Variants in NEB observed in about 807,000 individuals in gnomAD.
NEB encodes nebulin.
A neutral mutation model predicts 952.2 loss-of-function variants in NEB; 512 were observed. That is an observed-to-expected ratio of 0.54 (90% CI 0.50 to 0.58). The LOEUF is 0.58. Ranked by LOEUF, NEB falls within the 20% of genes least tolerant of loss-of-function variation. The pLI is 0.00. For missense variants in NEB, 8,428 were observed against 9,231.1 expected (o/e 0.91, Z 3.56); for synonymous variants, 2,900 against 3,149.8 (o/e 0.92, Z 2.66).
intron 13 of NEB, among the ~76,000 whole-genome samples, chr2:151,705,841 T>C (rs1211190046): frequency 6.6e-6 from 1 of 152,218 alleles, no homozygotes; most frequent in East Asian, 1.9e-4. Flanking sequence ...AAATATCATA[T>C]GCTCTCACTT....
chr2:151,501,459 T>C lies in NEB; in HGVS notation c.23953A>G (p.Lys7985Glu), dbSNP rs1330353469. The C allele has an allele frequency of 1.3e-6, 2 of 1,532,132 alleles. No individual in the cohort carries two copies. The highest frequency in any genetic ancestry group is 4.9e-5 in the East Asian group (2 of 40,762). 94.9% of individuals were successfully genotyped at this position (1,532,132 alleles called of 1,614,324 possible). ...SSILYKENLSKGTPLPVTPEM... is the reference protein window; with the variant it reads ...SSILYKENLSEGTPLPVTPEM... ...GGAGTGACAGGTAGGGGAGTCCCCT[T>C]GCTCAAGTTCTCTTTGTACAATATC... is the stretch of plus-strand genomic sequence containing the variant. Residue 7985 changes from lysine to glutamate, a missense_variant, in exon 168 of 182, where the codon AAG (lysine) becomes GAG (glutamate). By Grantham distance (56) the Lys-to-Glu change is moderately conservative. Coordinates refer to ENST00000397345, the MANE Select transcript of NEB (RefSeq NM_001164508.2).
At chr2:151,612,122 C>A in intron 78 of NEB, 64 bp downstream of exon 78, 1 of 1,538,066 alleles carries the variant, frequency 6.5e-7, no homozygotes, top group South Asian at 1.1e-5. Flanking sequence ...AGGGAATTTC[C>A]TACTTTATGA....
At chr2:151,574,047 T>C (rs1017586267) in intron 107 of NEB, among the ~76,000 whole-genome samples, 13 of 152,274 alleles carry the variant, frequency 8.5e-5, no homozygotes, top group South Asian at 4.1e-4. Context: ...GATCTCGGCT[T>C]ACTGCTAGCT....
At chr2:151,530,842 C>T in intron 145 of NEB, 152 bp downstream of exon 145, 1 of 585,634 alleles carries the variant, frequency 1.7e-6, no homozygotes, top group South Asian at 2.4e-5. Flanking sequence ...AGTCAACTTA[C>T]CGAATCATGA....
intron 68 of NEB, among the ~76,000 whole-genome samples, chr2:151,629,315 A>G (rs1366505387): frequency 6.6e-6 from 1 of 152,224 alleles, no homozygotes. Context: ...ACTGCATTGA[A>G]GTATACTGGT....
chr2:151,653,290 A>G (rs552040955), intron 52 of NEB, among the ~76,000 whole-genome samples: 1 of 152,226 alleles, frequency 6.6e-6, no homozygotes, highest in South Asian at 2.1e-4. Flanking sequence ...AGCAATATGC[A>G]GAATATCTAA....
chr2:151,660,970 G>A (rs1324537832), intron 46 of NEB, among the ~76,000 whole-genome samples: 1 of 152,170 alleles, frequency 6.6e-6, no homozygotes, highest in Non-Finnish European at 1.5e-5. Context: ...ATCAACACAT[G>A]TGGCTAGTAG....
intron 68 of NEB, 52 bp from the exon 69 acceptor site, chr2:151,627,886 AG>A: frequency 6.4e-7 from 1 of 1,554,726 alleles, no homozygotes. Context: ...AAGGCTTAGA[AG>A]CCTCATTAAT....
At chr2:151,533,825 GA>G (rs2092434024) in intron 142 of NEB, among the ~76,000 whole-genome samples, 1 of 152,230 alleles carries the variant, frequency 6.6e-6, no homozygotes, top group South Asian at 2.1e-4. Context: ...GACATCTTTG[GA>G]ATAGAAAGAT....
rs376129412 is a variant in NEB, at chr2:151,562,594, C to T, written c.18891+17G>A. The T allele has an allele frequency of 5.4e-4, 836 of 1,545,800 alleles. 2 individuals are homozygous for T. The highest frequency in any genetic ancestry group is 6.9e-4 in the Non-Finnish European group (785 of 1,139,156). ...TGGAAGCTGTAGCTGAGTCAAGCTG[C>T]AGAAGGGACATCATACATCACTCAA... On this transcript the variant is annotated intron_variant, in intron 120 of 181. Transcript: ENST00000397345.
At chr2:151,640,291 T>C in intron 61 of NEB, 64 bp downstream of exon 61, 1 of 1,579,550 alleles carries the variant, frequency 6.3e-7, no homozygotes, top group Non-Finnish European at 8.6e-7. Flanking sequence ...TATATTGCCA[T>C]TTTCTCCAAG....
chr2:151,636,458 A>G, intron 63 of NEB, 124 bp from the exon 64 acceptor site: 1 of 773,450 alleles, frequency 1.3e-6, no homozygotes, highest in Non-Finnish European at 2.0e-6. Context: ...GAGAGTTCTA[A>G]GCCTTCTGCA....
intron 30 of NEB, 65 bp from the exon 31 acceptor site, chr2:151,680,087 A>G (rs957748108): frequency 9.3e-6 from 11 of 1,183,496 alleles, no homozygotes; most frequent in South Asian, 1.3e-5. Context: ...GGCACCAGAA[A>G]ATAATTTCCT....
intron 136 of NEB, 45 bp from the exon 137 acceptor site, chr2:151,540,846 A>G: frequency 1.4e-6 from 2 of 1,468,216 alleles, no homozygotes; most frequent in Non-Finnish European, 1.9e-6. Flanking sequence ...TAAAGCATTT[A>G]GTATTTAGCA....
In NEB at chr2:151,682,063, G is replaced by T. The variant is rs1393487066; in HGVS notation, c.2943+599C>A. Among the ~76,000 whole-genome samples, 3 of 151,996 alleles carry T rather than the reference G, an allele frequency of 2.0e-5. No individual in the cohort carries two copies. The East Asian group carries it at 5.8e-4, about 29-fold the overall frequency. ...ACCAACCTAATAAATCCATACAAAA[G>T]ATTTACTTAATAATTTTTAAAAACC... is the stretch of plus-strand genomic sequence containing the variant. On this transcript the variant is annotated intron_variant, in intron 29 of 181. Coordinates refer to ENST00000397345, the MANE Select transcript of NEB (RefSeq NM_001164508.2).
intron 73 of NEB, 133 bp from the exon 74 acceptor site, chr2:151,618,611 C>G (rs2154018469): frequency 1.1e-6 from 1 of 900,810 alleles, no homozygotes; most frequent in East Asian, 2.6e-5. Context: ...TTCACTCACT[C>G]ACGCACATTA....
At chr2:151,556,190 T>C (rs2095639653) in intron 124 of NEB, among the ~76,000 whole-genome samples, 1 of 152,234 alleles carries the variant, frequency 6.6e-6, no homozygotes, top group Non-Finnish European at 1.5e-5. Flanking sequence ...GACTGTCTAA[T>C]GAAGTTTATT....
At chr2:151,705,995 C>A (rs1161333797) in intron 13 of NEB, among the ~76,000 whole-genome samples, 1 of 152,104 alleles carries the variant, frequency 6.6e-6, no homozygotes, top group African/African-American at 2.4e-5. Context: ...ATGGGTGCAC[C>A]AAAATCTCAG....
At chr2:151,515,317 G>A (rs1012550925) in intron 157 of NEB, among the ~76,000 whole-genome samples, 2 of 152,132 alleles carry the variant, frequency 1.3e-5, no homozygotes, top group African/African-American at 4.8e-5. Flanking sequence ...GAGGCAAGGG[G>A]AAAAAAATCG....
Sources: gnomAD v4.1 joint callset for allele counts (sites outside exome capture counted in the v4.1 genomes callset) on GRCh38, gnomAD v4.1.1 for gene constraint, MANE v1.5 for transcripts, NCBI Gene and HGNC (gene_info 2026-07-23, HGNC 2026-07-21) for gene names.